The following DUXA variants were observed in gnomAD, a reference collection of about 807,000 sequenced individuals.
The protein encoded by DUXA is double homeobox protein A.
A neutral mutation model predicts 27.5 loss-of-function variants in DUXA; 25 were observed. The observed-to-expected ratio is 0.91, with a 90% CI of 0.66 to 1.27. The LOEUF is 1.27. Ranked by LOEUF, DUXA falls within the 50% of genes most tolerant of loss-of-function variation. The pLI is 0.00. For missense variants in DUXA, 247 were observed against 242.9 expected (o/e 1.02, Z -0.11); for synonymous variants, 90 against 80.5 (o/e 1.12, Z -0.63).
At chr19:57,158,497 AG>A (rs746244463) in intron 3 of DUXA, 24 bp from the exon 4 acceptor site, 6 of 1,607,262 alleles carry the variant, frequency 3.7e-6, no homozygotes, top group Non-Finnish European at 4.3e-6. Context: ...GGAAAGATGG[AG>A]GGGGGCGGTC....
At chr19:57,161,136 C>T (rs1330929733) in intron 1 of DUXA, among the ~76,000 whole-genome samples, 1 of 150,070 alleles carries the variant, frequency 6.7e-6, no homozygotes, top group East Asian at 2.0e-4. Context: ...CCAGCCTGGC[C>T]AACATGATGA....
chr19:57,156,896 C>G (rs919362030), intron 4 of DUXA, among the ~76,000 whole-genome samples: 4 of 152,140 alleles, frequency 2.6e-5, no homozygotes, highest in Admixed American at 6.6e-5. Context: ...GAACTCCCGA[C>G]CTCAGGTGAT....
Position 57,159,206 on chromosome 19 carries a change from G to A in DUXA, c.253C>T (p.Gln85Ter). 1.9e-6 allele frequency: 3 copies of A among 1,614,162 alleles called. No homozygotes were observed. The South Asian group carries it at 3.3e-5, about 18-fold the overall frequency. Residue 85 changes from glutamine (Q) to a stop codon, truncating the protein, a stop_gained, in exon 3 of 6, where the codon CAG becomes TAG. Coordinates refer to ENST00000554048, the MANE Select transcript of DUXA (RefSeq NM_001012729.2). LOFTEE classifies it high-confidence loss of function. ...RPEAETLESS[Q>*]SQGQDQPGVE... ...CCAGGTTGATCTTGCCCCTGGCTCT[G>A]GCTTGATTCTAAAGTCTCAGCTTCT...
chr19:57,159,920 G>A (rs1002773963), intron 2 of DUXA, among the ~76,000 whole-genome samples: 12 of 151,992 alleles, frequency 7.9e-5, no homozygotes, highest in Non-Finnish European at 2.9e-5. Context: ...GGCCAACATA[G>A]TGAACCTCAG....
At chr19:57,163,731 T>G (rs2087036525) in intron 1 of DUXA, among the ~76,000 whole-genome samples, 1 of 152,128 alleles carries the variant, frequency 6.6e-6, no homozygotes, top group Non-Finnish European at 1.5e-5. Flanking sequence ...GCCTGGCCAA[T>G]TTCTTAAACT....
At chr19:57,165,673 C>G (rs549696273) in intron 1 of DUXA, among the ~76,000 whole-genome samples, 3 of 151,476 alleles carry the variant, frequency 2.0e-5, no homozygotes, top group East Asian at 3.9e-4. Context: ...GGCGTGGTGG[C>G]GGGCGTCTGT....
Position 57,160,624 on chromosome 19 carries a change from A to G in DUXA, c.180+19T>C, listed in dbSNP as rs1162730837. Reference sequence around the variant, plus strand: ...TGCCTTTTTACTTCCAGTCCTGGAGATATTGAACTTTAACTTACCTGGATT... The same window carrying G: ...TGCCTTTTTACTTCCAGTCCTGGAGGTATTGAACTTTAACTTACCTGGATT... On this transcript the variant is annotated intron_variant, in intron 2 of 5. Transcript: ENST00000554048. The G allele has an allele frequency of 1.2e-6, 2 of 1,611,178 alleles. No homozygotes were observed. Among genetic ancestry groups the G allele is most frequent in the Non-Finnish European group, 1.7e-6 (2 of 1,179,616 alleles).
At chr19:57,166,434 C>T (rs946978006) in intron 1 of DUXA, among the ~76,000 whole-genome samples, 5 of 152,102 alleles carry the variant, frequency 3.3e-5, no homozygotes, top group Admixed American at 2.0e-4. Context: ...CTCAGCCTCC[C>T]GAGTAGCTGG....
chr19:57,156,329 T>C (rs2086992934), intron 4 of DUXA, among the ~76,000 whole-genome samples: 2 of 152,218 alleles, frequency 1.3e-5, no homozygotes, highest in Non-Finnish European at 2.9e-5. Flanking sequence ...CTTATGCATA[T>C]ATACTCACAT....
chr19:57,165,409 A>G (rs62131266), intron 1 of DUXA, among the ~76,000 whole-genome samples: 20,350 of 148,294 alleles, frequency 0.14, 1,431 homozygotes, highest in Admixed American at 0.16. Context: ...TCTCCACACA[A>G]CAAACATTCA....
chr19:57,161,581 C>T (rs1250258215), intron 1 of DUXA, among the ~76,000 whole-genome samples: 2 of 151,166 alleles, frequency 1.3e-5, no homozygotes, highest in East Asian at 3.9e-4. Context: ...CGAGATTGCG[C>T]CACTGCACTC....
chr19:57,165,324 A>AAATATATATATATATATATATAT (rs1491567041), intron 1 of DUXA, among the ~76,000 whole-genome samples: 16 of 89,266 alleles, frequency 1.8e-4, no homozygotes, highest in Admixed American at 3.9e-4. Flanking sequence ...AAAAAAAAAA[A>AAATATATATATATATATATATAT]ATATATATAT....
chr19:57,156,271 T>G (rs1222955379), intron 4 of DUXA, among the ~76,000 whole-genome samples: 1 of 152,186 alleles, frequency 6.6e-6, no homozygotes, highest in Non-Finnish European at 1.5e-5. Context: ...CAAACTTAAT[T>G]TCTGTTCCTT....
intron 4 of DUXA, among the ~76,000 whole-genome samples, chr19:57,157,918 TAGG>T (rs2087000244): frequency 1.3e-5 from 2 of 151,470 alleles, no homozygotes; most frequent in Admixed American, 6.6e-5. Context: ...CGCTTGAACC[TAGG>T]AGGTCGAGGT....
intron 1 of DUXA, among the ~76,000 whole-genome samples, chr19:57,161,459 T>G (rs1289325922): frequency 2.7e-5 from 4 of 147,498 alleles, no homozygotes; most frequent in Admixed American, 2.0e-4. Context: ...CCGTCTCTAC[T>G]AAAAATACAA....
chr19:57,162,561 C>G (rs2087029548), intron 1 of DUXA, among the ~76,000 whole-genome samples: 1 of 151,316 alleles, frequency 6.6e-6, no homozygotes, highest in African/African-American at 2.4e-5. Context: ...CACACCTGGT[C>G]CATTGTTTTG....
At chr19:57,162,214 C>G (rs2087027853) in intron 1 of DUXA, among the ~76,000 whole-genome samples, 3 of 152,224 alleles carry the variant, frequency 2.0e-5, no homozygotes, top group Middle Eastern at 3.4e-3. Flanking sequence ...ACTTTGACCT[C>G]CATTGCTCAA....
At chr19:57,166,210 A>G (rs1307993496) in intron 1 of DUXA, among the ~76,000 whole-genome samples, 1 of 152,238 alleles carries the variant, frequency 6.6e-6, no homozygotes, top group East Asian at 1.9e-4. Flanking sequence ...ACGAGGTCAC[A>G]GACCATACCA....
intron 4 of DUXA, among the ~76,000 whole-genome samples, chr19:57,156,953 A>G (rs2086995925): frequency 6.6e-6 from 1 of 152,192 alleles, no homozygotes. Context: ...GGTGTGAGCC[A>G]CTGTGCCCAG....
Sources: gnomAD v4.1 joint callset for allele counts (sites outside exome capture counted in the v4.1 genomes callset) on GRCh38, gnomAD v4.1.1 for gene constraint, MANE v1.5 for transcripts, NCBI Gene and HGNC (gene_info 2026-07-23, HGNC 2026-07-21) for gene names.